The following RTN4 variants were observed in gnomAD, a reference collection of about 807,000 sequenced individuals.
RTN4 encodes reticulon-4.
In RTN4, 32 loss-of-function variants were observed where a neutral mutation model predicts 90.4. The observed-to-expected ratio is 0.35, with a 90% confidence interval of 0.27 to 0.48. The LOEUF is 0.48. RTN4 is among the 20% of genes least tolerant of loss of function. RTN4 has a pLI of 0.99. For missense variants in RTN4, 1,706 were observed against 1,430.2 expected, an observed-to-expected ratio of 1.19 and a Z score of -3.11; for synonymous variants, 629 against 552.5, an observed-to-expected ratio of 1.14 and a Z score of -1.94.
rs1474827976 is a variant in RTN4 at position 54,973,451 on chromosome 2, C to T, written c.3536+112G>A. 9 of 893,722 alleles carry T rather than the reference C, an allele frequency of 1.0e-5. No individual in the cohort carries two copies. The African/African-American group carries it at 1.2e-4, about 12-fold the overall frequency. The allele number at this position is 893,722 out of a possible 1,614,324, so 55.4% of individuals were successfully genotyped here. A position where few individuals can be genotyped will look rare whatever the true frequency, so the allele number is the denominator to read the frequency against. On this transcript the variant is annotated intron_variant, in intron 8 of 8. Transcript: ENST00000337526. ...ATCTTTTGGCAACTCTGAAGTCACACTTAAGGTCTGATAGAGATTTGTTAC... is the reference window on the plus strand; with the variant it reads ...ATCTTTTGGCAACTCTGAAGTCACATTTAAGGTCTGATAGAGATTTGTTAC...
intron 1 of RTN4, among the ~76,000 whole-genome samples, chr2:55,039,141 C>T (rs1187008598): frequency 2.6e-5 from 4 of 152,164 alleles, no homozygotes; most frequent in Non-Finnish European, 5.9e-5. Flanking sequence ...CTGCTAAGGA[C>T]CCAAGAGATC....
In RTN4 at chr2:55,025,355, A is replaced by G. The variant is rs771495126; in HGVS notation, c.2744T>C (p.Leu915Ser). Reference protein sequence around the residue: ...DGAGSLPCTELPHDLSLKNIQ... With the variant: ...DGAGSLPCTESPHDLSLKNIQ... ...GTTCTTCAAAGAAAGGTCATGGGGC[A>G]ATTCTGTGCAAGGCAATGACCCAGC... The change falls in exon 3 of 9, where the codon TTG becomes TCG. Residue 915 changes from leucine to serine, a missense_variant. Transcript: ENST00000337526. 6.2e-7 allele frequency: 1 copy of G among 1,613,982 alleles called. No individual in the cohort carries two copies. Among genetic ancestry groups the G allele is most frequent in the African/African-American group, 1.3e-5 (1 of 75,044 alleles).
At position 55,050,314 on chromosome 2, in the gene RTN4, A is replaced by G. The variant is rs759015012; in HGVS notation, c.-14T>C. ...CAGGTCTTCCATGGCTGGAGGGTGG[A>G]GATGATGCTGCAGCTGCTGCCGCCG... On this transcript the variant is annotated 5_prime_UTR_variant, in exon 1 of 9. Transcript: ENST00000337526. This position sits in a 1 kb window ranked among gnomAD's most constrained non-coding sequence, Gnocchi z 4.6. The G allele has an allele frequency of 1.6e-5, 22 of 1,395,936 alleles. No homozygotes were observed. Among genetic ancestry groups the G allele is most frequent in the Non-Finnish European group, 2.0e-5 (21 of 1,073,202 alleles). 86.5% of individuals were successfully genotyped at this position (1,395,936 alleles called of 1,614,324 possible).
Position 55,109,138 on chromosome 2 carries a change from T to TC in RTN4, c.-214+3381dup, listed in dbSNP as rs140600594. Among the ~76,000 whole-genome samples, 55 of 152,214 alleles carry TC rather than the reference T, an allele frequency of 3.6e-4. 2 individuals are homozygous for TC. The highest frequency in any genetic ancestry group is 1.2e-3 in the African/African-American group (48 of 41,512). Reference sequence around the variant, plus strand: ...GTTAAAAGATTGATAAATTTTAAGTTCCTGAAATACTGAAATGAAAAAAAC... The same window carrying TC: ...GTTAAAAGATTGATAAATTTTAAGTTCCCTGAAATACTGAAATGAAAAAAAC... On this transcript the variant is annotated intron_variant, in intron 1 of 3. Coordinates refer to the RTN4 transcript ENST00000427710.
chr2:55,072,579 C>A (rs75038514), intron 2 of RTN4, among the ~76,000 whole-genome samples: 9 of 152,104 alleles, frequency 5.9e-5, no homozygotes, highest in Non-Finnish European at 1.2e-4. Flanking sequence ...GCTTCTGGAT[C>A]GAGGGGCATA....
At chr2:54,978,754 A>T (rs192323160) in intron 5 of RTN4, among the ~76,000 whole-genome samples, 19 of 152,300 alleles carry the variant, frequency 1.2e-4, no homozygotes, top group East Asian at 5.8e-4. Flanking sequence ...TATAAATTTT[A>T]AAAAACTCAT....
chr2:55,116,295 C>T (rs1416473715), upstream of RTN4, among the ~76,000 whole-genome samples: 1 of 151,764 alleles, frequency 6.6e-6, no homozygotes, highest in Non-Finnish European at 1.5e-5. Context: ...GTGCTAGAAG[C>T]CATGTAAGAG....
intron 1 of RTN4, among the ~76,000 whole-genome samples, chr2:55,040,015 G>C (rs1294492349): frequency 3.3e-5 from 5 of 152,108 alleles, no homozygotes; most frequent in Non-Finnish European, 5.9e-5. Flanking sequence ...TAAATGAGAA[G>C]GTATGTTGTA....
At chr2:55,091,083 A>T (rs979380736) in intron 1 of RTN4, among the ~76,000 whole-genome samples, 1 of 152,016 alleles carries the variant, frequency 6.6e-6, no homozygotes, top group East Asian at 1.9e-4. Flanking sequence ...AACCTCCCTA[A>T]CCAGTTGCCC....
intron 3 of RTN4, among the ~76,000 whole-genome samples, chr2:54,995,636 G>A (rs1315908486): frequency 6.6e-6 from 1 of 152,104 alleles, no homozygotes; most frequent in Non-Finnish European, 1.5e-5. Context: ...CGGGTGGCCA[G>A]AGCCTATCCT....
chr2:55,032,591 G>C (rs1682396097), intron 1 of RTN4, among the ~76,000 whole-genome samples: 1 of 151,984 alleles, frequency 6.6e-6, no homozygotes, highest in African/African-American at 2.4e-5. Flanking sequence ...AAGATTTATT[G>C]ATAAACAAAC....
chr2:55,064,510 C>A (rs1450578436), intron 2 of RTN4, among the ~76,000 whole-genome samples: 2 of 151,908 alleles, frequency 1.3e-5, no homozygotes, highest in Admixed American at 1.3e-4. Context: ...GCCACGACAC[C>A]CAGCTAATTT....
chr2:55,009,488 A>T (rs929530746), intron 3 of RTN4, among the ~76,000 whole-genome samples: 1 of 152,226 alleles, frequency 6.6e-6, no homozygotes, highest in Non-Finnish European at 1.5e-5. Context: ...CTGATTGGTT[A>T]TTACAAGGAC....
chr2:55,056,645 AAGTC>A (rs959159000), intron 2 of RTN4: 18 of 152,094 alleles, frequency 1.2e-4, no homozygotes, highest in Admixed American at 5.9e-4. Context: ...AAAAAAAAAA[AAGTC>A]AGGTAGAAGT....
At chr2:55,085,045 C>G (rs74768256) in intron 1 of RTN4, among the ~76,000 whole-genome samples, 4,595 of 152,316 alleles carry the variant, frequency 0.03, 223 homozygotes, top group African/African-American at 0.1. Context: ...CCTGCCTTGA[C>G]CTCCCAAGGT....
the RTN4 span, among the ~76,000 whole-genome samples, chr2:55,134,020 T>G: frequency 6.6e-6 from 1 of 152,192 alleles, no homozygotes; most frequent in Non-Finnish European, 1.5e-5. Flanking sequence ...ATGAGCTTTC[T>G]GGGAAAGGGG....
At chr2:55,135,103 T>TA in the RTN4 span, among the ~76,000 whole-genome samples, 7 of 152,048 alleles carry the variant, frequency 4.6e-5, no homozygotes, top group Admixed American at 3.9e-4. Flanking sequence ...CCATTTCTAT[T>TA]AAAAAAATGT....
At chr2:55,046,222 C>A (rs994702932) in intron 1 of RTN4, among the ~76,000 whole-genome samples, 1 of 152,154 alleles carries the variant, frequency 6.6e-6, no homozygotes, top group Non-Finnish European at 1.5e-5. Context: ...CTCTCAGTAG[C>A]CCTGAATCTT....
the RTN4 span, among the ~76,000 whole-genome samples, chr2:55,132,896 G>GTT: frequency 1.6e-4 from 11 of 69,556 alleles, no homozygotes; most frequent in South Asian, 4.1e-4. Flanking sequence ...TTTTGTTGTT[G>GTT]TTTTTTTTAA....
Sources: allele counts gnomAD v4.1 joint callset (sites outside exome capture counted in the v4.1 genomes callset), GRCh38; gene constraint gnomAD v4.1.1; non-coding constraint Gnocchi (gnomAD v3.1); transcripts MANE v1.5; gene names NCBI Gene and HGNC (gene_info 2026-07-23, HGNC 2026-07-21).